The following ULK4 variants were observed in gnomAD, a reference collection of about 807,000 sequenced individuals.
The protein encoded by ULK4 is unc-51 like kinase 4, also known as inactive serine/threonine-protein kinase ULK4.
A neutral mutation model predicts 160.6 loss-of-function variants in ULK4; 133 were observed. That is an observed-to-expected ratio of 0.83 (90% confidence interval 0.72 to 0.96). The LOEUF (loss-of-function observed/expected upper bound fraction) is 0.96, where lower values mean the gene tolerates loss of function less well. ULK4 is among the 40% of genes least tolerant of loss of function. The pLI, the probability that ULK4 is intolerant of heterozygous loss-of-function variation, is 0.00. For synonymous variants in ULK4, 534 were observed against 539.8 expected (o/e 0.99, Z 0.15); for missense variants, 1,580 against 1,499.5 (o/e 1.05, Z -0.89).
At chr3:41,482,048 C>T (rs147024486) in intron 32 of ULK4, among the ~76,000 whole-genome samples, 4 of 152,226 alleles carry the variant, frequency 2.6e-5, no homozygotes, top group African/African-American at 9.6e-5. Flanking sequence ...TGTCCTACTT[C>T]GCCTATGAAG....
intron 16 of ULK4, among the ~76,000 whole-genome samples, chr3:41,892,279 A>G (rs1484105769): frequency 6.6e-6 from 1 of 152,266 alleles, no homozygotes; most frequent in Non-Finnish European, 1.5e-5. Context: ...CAAATAGCCA[A>G]CAATCACACG....
intron 34 of ULK4, among the ~76,000 whole-genome samples, chr3:41,423,786 C>T (rs534815262): frequency 2.0e-5 from 3 of 152,310 alleles, no homozygotes; most frequent in African/African-American, 7.2e-5. Flanking sequence ...GGCAAGGGAG[C>T]TCCCACCCCC....
intron 19 of ULK4, among the ~76,000 whole-genome samples, chr3:41,811,939 TC>T (rs1238226595): frequency 6.6e-6 from 1 of 152,168 alleles, no homozygotes; most frequent in African/African-American, 2.4e-5. Context: ...ATTATGACAC[TC>T]TTTTCCAAAC....
rs922364086 is a variant in ULK4 at position 41,583,684 on chromosome 3, G to A, written c.3121-17554C>T. On this transcript the variant is annotated intron_variant, in intron 31 of 36. Coordinates refer to ENST00000301831, the MANE Select transcript of ULK4 (RefSeq NM_017886.4). ...CCTCCTCAGGCCATGGCCTCCTCAT[G>A]CTCATCCTCCACTCCCACTCTTCGA... 9.2e-5 allele frequency among the ~76,000 whole-genome samples: 14 copies of A among 152,134 alleles called. 1 individual carries two copies. The South Asian group carries it at 1.9e-3, about 20-fold the overall frequency.
At chr3:41,897,089 C>T (rs754099798) in intron 14 of ULK4, 86 bp from the exon 15 acceptor site, 34 of 1,235,382 alleles carry the variant, frequency 2.8e-5, no homozygotes, top group Non-Finnish European at 3.2e-5. Flanking sequence ...CACAGAATTA[C>T]GACAGCTAAG....
At chr3:41,492,214 C>T (rs2084800224) in intron 32 of ULK4, among the ~76,000 whole-genome samples, 2 of 151,978 alleles carry the variant, frequency 1.3e-5, no homozygotes, top group Non-Finnish European at 2.9e-5. Flanking sequence ...GTCTTTATAG[C>T]AGCATGATTT....
intron 35 of ULK4, among the ~76,000 whole-genome samples, chr3:41,386,643 TG>T (rs2125801416): frequency 6.6e-6 from 1 of 152,280 alleles, no homozygotes; most frequent in East Asian, 1.9e-4. Flanking sequence ...CACATTCCCC[TG>T]CCTCAGAGAC....
intron 27 of ULK4, among the ~76,000 whole-genome samples, chr3:41,699,171 T>C (rs957031354): frequency 1.3e-5 from 2 of 152,196 alleles, no homozygotes; most frequent in African/African-American, 2.4e-5. Context: ...TACTGCCCAA[T>C]AGTTTTTCAG....
chr3:41,412,129 T>G (rs2082421481), intron 34 of ULK4, among the ~76,000 whole-genome samples: 1 of 152,088 alleles, frequency 6.6e-6, no homozygotes. Flanking sequence ...AAACACAAAA[T>G]CTATTGCAAT....
At chr3:41,634,004 C>A (rs2033852798) in intron 30 of ULK4, among the ~76,000 whole-genome samples, 1 of 152,174 alleles carries the variant, frequency 6.6e-6, no homozygotes, top group Admixed American at 6.5e-5. Flanking sequence ...CAGCACTGAA[C>A]CTTACCCAGG....
At chr3:41,511,526 C>T (rs569795949) in intron 32 of ULK4, among the ~76,000 whole-genome samples, 2 of 152,056 alleles carry the variant, frequency 1.3e-5, no homozygotes, top group Admixed American at 1.3e-4. Context: ...GGCACATAAA[C>T]TAGAAAACCT....
chr3:41,957,511 C>A (rs1700523438), intron 1 of ULK4, among the ~76,000 whole-genome samples: 1 of 149,268 alleles, frequency 6.7e-6, no homozygotes, highest in South Asian at 2.1e-4. Flanking sequence ...ATATGTTAGA[C>A]TATATTAAAC....
intron 31 of ULK4, among the ~76,000 whole-genome samples, chr3:41,594,284 C>G (rs566478810): frequency 2.8e-4 from 42 of 152,284 alleles, no homozygotes; most frequent in Non-Finnish European, 1.5e-5. Context: ...TGTCTATAAT[C>G]TCAGCACTTT....
At chr3:41,665,292 T>C (rs1360851600) in intron 29 of ULK4, among the ~76,000 whole-genome samples, 1 of 152,082 alleles carries the variant, frequency 6.6e-6, no homozygotes, top group Non-Finnish European at 1.5e-5. Flanking sequence ...GACGGACTAT[T>C]ACAGGAAGGC....
intron 35 of ULK4, among the ~76,000 whole-genome samples, chr3:41,284,440 A>C (rs189493665): frequency 6.6e-6 from 1 of 152,134 alleles, no homozygotes; most frequent in Non-Finnish European, 1.5e-5. Flanking sequence ...AAAAAAACCC[A>C]ATTACTTACA....
chr3:41,354,424 CCT>C (rs2080988138), intron 35 of ULK4, among the ~76,000 whole-genome samples: 2 of 152,264 alleles, frequency 1.3e-5, no homozygotes, highest in South Asian at 4.2e-4. Context: ...ATAAATCAAG[CCT>C]CTCTGGCTGT....
intron 17 of ULK4, among the ~76,000 whole-genome samples, chr3:41,880,531 A>T (rs1352300345): frequency 2.6e-5 from 4 of 152,160 alleles, no homozygotes; most frequent in Non-Finnish European, 5.9e-5. Context: ...TCATTCATTA[A>T]ACTCTCCAGC....
At chr3:41,587,642 C>T (rs890429135) in intron 31 of ULK4, among the ~76,000 whole-genome samples, 1 of 152,078 alleles carries the variant, frequency 6.6e-6, no homozygotes. Context: ...TTGATTGTAA[C>T]TAGATAAAGT....
chr3:41,287,307 CT>C (rs1387699881), intron 35 of ULK4, among the ~76,000 whole-genome samples: 1 of 152,132 alleles, frequency 6.6e-6, no homozygotes. Context: ...AAGAAACTTT[CT>C]GTTTAACTTA....
Sources: gnomAD v4.1 joint callset for allele counts (sites outside exome capture counted in the v4.1 genomes callset) on GRCh38, gnomAD v4.1.1 for gene constraint, MANE v1.5 for transcripts, NCBI Gene and HGNC (gene_info 2026-07-23, HGNC 2026-07-21) for gene names.